TAX1BP1: variants seen among roughly 807,000 people sequenced by gnomAD.
TAX1BP1 encodes the protein tax1-binding protein 1.
A neutral mutation model predicts 97.7 loss-of-function variants in TAX1BP1; 62 were observed. That is an observed-to-expected ratio of 0.63 (90% CI 0.52 to 0.78). The LOEUF (loss-of-function observed/expected upper bound fraction) is 0.78, where lower values mean the gene tolerates loss of function less well. Among genes scored for constraint, TAX1BP1 ranks in the 30% least tolerant of loss-of-function variants. The probability of loss-of-function intolerance (pLI) is 0.00; values close to 1 mark genes in which losing one functional copy is unlikely to be tolerated. For missense variants in TAX1BP1, 867 were observed against 916.1 expected (o/e 0.95, Z 0.69); for synonymous variants, 340 against 304.2 (o/e 1.12, Z -1.23).
intron 13 of TAX1BP1, among the ~76,000 whole-genome samples, chr7:27,801,225 A>G (rs571684132): frequency 1.4e-5 from 2 of 145,484 alleles, no homozygotes; most frequent in South Asian, 2.2e-4. Flanking sequence ...TAAGAAATGT[A>G]TGTAGATATA....
chr7:27,766,690 A>G (rs1214103385), intron 4 of TAX1BP1, among the ~76,000 whole-genome samples: 1 of 152,080 alleles, frequency 6.6e-6, no homozygotes, highest in African/African-American at 2.4e-5. Context: ...TGGTGGCGTA[A>G]TCAGTTCATT....
intron 8 of TAX1BP1, among the ~76,000 whole-genome samples, chr7:27,790,666 T>A (rs952856918): frequency 2.0e-5 from 3 of 152,096 alleles, no homozygotes; most frequent in Non-Finnish European, 4.4e-5. Context: ...AACCTATGTC[T>A]ATACCCTTTG....
rs568838627 is a variant in TAX1BP1 at position 27,828,390 on chromosome 7, GA to G, written c.2169-233del. ...ATTGGATTTGGGAGGTTTTAAGGGG[GA>G]AAAACGGTTTTGTTAATCTAATTGT... On this transcript the variant is annotated intron_variant, in intron 16 of 16. Transcript: ENST00000396319. Among the ~76,000 whole-genome samples, 114 of 152,272 alleles carry G rather than the reference GA, an allele frequency of 7.5e-4. 1 individual carries two copies. Among genetic ancestry groups the G allele is most frequent in the African/African-American group, 2.5e-3 (102 of 41,554 alleles).
intron 13 of TAX1BP1, among the ~76,000 whole-genome samples, chr7:27,804,793 G>A (rs961456626): frequency 1.3e-5 from 2 of 152,186 alleles, no homozygotes; most frequent in Admixed American, 6.5e-5. Context: ...CTCAACCTGT[G>A]TATGCTTTTT....
rs566528102 is a variant in TAX1BP1, at chr7:27,768,493, A to G, written c.454-1183A>G. Among the ~76,000 whole-genome samples the G allele has an allele frequency of 3.9e-5, 6 of 152,056 alleles. No individual in the cohort carries two copies. In the East Asian group the frequency reaches 5.8e-4, roughly 15 times the overall value. On this transcript the variant is annotated intron_variant, in intron 4 of 16. Coordinates refer to ENST00000396319, the MANE Select transcript of TAX1BP1 (RefSeq NM_006024.7). Reference sequence around the variant, plus strand: ...ATTAAATAAATCACTGGAAAAGGTGATTCTTTTATAAAGTCTATGTTGTGC... The same window carrying G: ...ATTAAATAAATCACTGGAAAAGGTGGTTCTTTTATAAAGTCTATGTTGTGC...
chr7:27,748,100 G>C lies in TAX1BP1; in HGVS notation c.-7-418G>C, dbSNP rs1787892732. Among the ~76,000 whole-genome samples, 4 of 152,110 alleles carry C rather than the reference G, an allele frequency of 2.6e-5. No homozygotes were observed. In the South Asian group the frequency reaches 8.3e-4, roughly 32 times the overall value. On this transcript the variant is annotated intron_variant, in intron 1 of 16. Coordinates refer to ENST00000396319, the MANE Select transcript of TAX1BP1 (RefSeq NM_006024.7). ...GGAAGGAAATGTTAATTGACCCATA[G>C]CCAGTAAAATACTGACTTTTAACTG...
At position 27,787,577 on chromosome 7, in the gene TAX1BP1, A is replaced by G. The variant is rs1181098020; in HGVS notation, c.1012A>G (p.Thr338Ala). ...GGCTGAAAAGGAAAATCTGCAAAGAACTTTCCTGCTTACAACCTCAAGTAA... is the reference window on the plus strand; with the variant it reads ...GGCTGAAAAGGAAAATCTGCAAAGAGCTTTCCTGCTTACAACCTCAAGTAA... ...CLAEKENLQR[T>A]FLLTTSSKED... Residue 338 changes from threonine (T) to alanine (A), a missense_variant, in exon 8 of 17, where the codon ACT becomes GCT. Coordinates refer to ENST00000396319, the MANE Select transcript of TAX1BP1 (RefSeq NM_006024.7). 6.2e-7 allele frequency: 1 copy of G among 1,611,202 alleles called. No homozygotes were observed. Among genetic ancestry groups the G allele is most frequent in the South Asian group, 1.1e-5 (1 of 90,336 alleles).
chr7:27,754,074 A>C (rs990577866), intron 2 of TAX1BP1, among the ~76,000 whole-genome samples: 2 of 152,214 alleles, frequency 1.3e-5, no homozygotes, highest in South Asian at 4.1e-4. Context: ...TCAAAGTCAC[A>C]TTGCTAATGC....
At chr7:27,747,165 G>A (rs1259965819) in intron 1 of TAX1BP1, among the ~76,000 whole-genome samples, 1 of 152,162 alleles carries the variant, frequency 6.6e-6, no homozygotes, top group African/African-American at 2.4e-5. Flanking sequence ...AATGACTCAA[G>A]CAAGTGCAGT....
intron 3 of TAX1BP1, among the ~76,000 whole-genome samples, chr7:27,759,095 T>TA (rs1788332548): frequency 6.6e-6 from 1 of 152,174 alleles, no homozygotes; most frequent in Non-Finnish European, 1.5e-5. Context: ...AGTGAATTCT[T>TA]ACCCTTGTAT....
chr7:27,754,807 T>C (rs758055515), intron 2 of TAX1BP1, among the ~76,000 whole-genome samples: 3 of 152,028 alleles, frequency 2.0e-5, no homozygotes, highest in Non-Finnish European at 4.4e-5. Flanking sequence ...ATGGTCTCCA[T>C]CTCCTGACCT....
At position 27,794,366 on chromosome 7, in the gene TAX1BP1, A is replaced by G; in HGVS notation, c.1454A>G (p.Gln485Arg). Residue 485 changes from glutamine (Q) to arginine (R), a missense_variant, in exon 11 of 17, where the codon CAG (glutamine) becomes CGG (arginine). Physicochemically the swap from Gln to Arg is conservative, Grantham distance 43. Transcript: ENST00000396319. ...NVFTKKTGNQ[Q>R]KVNDASVNTD... The stretch of plus-strand genomic sequence containing the variant: ...TTCACAAAGAAAACGGGGAATCAGC[A>G]GAAAGTGAATGATGCTTCAGTAAAC... 2 of 1,613,524 alleles carry G rather than the reference A, an allele frequency of 1.2e-6. No individual in the cohort carries two copies. The highest frequency in any genetic ancestry group is 2.2e-5 in the East Asian group (1 of 44,832).
intron 13 of TAX1BP1, among the ~76,000 whole-genome samples, chr7:27,815,122 T>C (rs936354560): frequency 2.6e-5 from 4 of 152,204 alleles, no homozygotes; most frequent in African/African-American, 9.7e-5. Flanking sequence ...CTTCTTCCTT[T>C]CCAGTCTACC....
intron 10 of TAX1BP1, 74 bp from the exon 11 acceptor site, chr7:27,794,249 T>A: frequency 7.9e-7 from 1 of 1,261,904 alleles, no homozygotes; most frequent in Non-Finnish European, 1.1e-6. Context: ...AAAATATTAT[T>A]TACTTAGTTA....
chr7:27,748,654 C>A lies in TAX1BP1; in HGVS notation c.130C>A (p.Pro44Thr). The A allele has an allele frequency of 6.4e-7, 1 of 1,564,250 alleles. No individual in the cohort carries two copies. Among genetic ancestry groups the A allele is most frequent in the East Asian group, 2.3e-5 (1 of 43,344 alleles). The change falls in exon 2 of 17, where the codon CCA (proline) becomes ACA (threonine). Residue 44 changes from proline to threonine, a missense_variant. Physicochemically the swap from Pro to Thr is conservative, Grantham distance 38. Around this residue, in one of 3 missense-constraint regions of TAX1BP1, gnomAD observed 822 missense variants for 851.4 expected, o/e 0.97. Transcript: ENST00000396319. ...CHYTLTPYIHPHPKDWVGIFK... is the reference protein window; with the variant it reads ...CHYTLTPYIHTHPKDWVGIFK... ...TTACACCTTAACTCCATATATTCAT[C>A]CACATCCAAAAGATTGGGTTGGTAT...
chr7:27,741,097 G>A (rs1028238460), intron 1 of TAX1BP1, among the ~76,000 whole-genome samples: 4 of 152,232 alleles, frequency 2.6e-5, no homozygotes, highest in Non-Finnish European at 4.4e-5. Context: ...GACATACACA[G>A]TGTTAGATTT....
chr7:27,766,547 C>T (rs1788652910), intron 4 of TAX1BP1, among the ~76,000 whole-genome samples: 1 of 146,598 alleles, frequency 6.8e-6, no homozygotes, highest in Admixed American at 6.8e-5. Context: ...CACAATTATG[C>T]TGTTGGTTCC....
At chr7:27,793,950 A>G (rs1544413) in intron 10 of TAX1BP1, among the ~76,000 whole-genome samples, 21,192 of 152,274 alleles carry the variant, frequency 0.14, 1,734 homozygotes, top group Middle Eastern at 0.19. Context: ...TGCATGTAGT[A>G]AAGTAGGAAG....
chr7:27,740,110 G>A (rs2237339), upstream of TAX1BP1: 34,576 of 152,214 alleles, frequency 0.23, 5,021 homozygotes, highest in East Asian at 0.52. Flanking sequence ...AGACCGCCCC[G>A]TGGGCGGAAG....
Sources: gnomAD v4.1 joint callset for allele counts (sites outside exome capture counted in the v4.1 genomes callset) on GRCh38, gnomAD v4.1.1 for gene constraint, gnomAD v4.1.1 regional missense constraint, MANE v1.5 for transcripts, NCBI Gene and HGNC (gene_info 2026-07-23, HGNC 2026-07-21) for gene names.